ORAI2: variants seen among roughly 807,000 people sequenced by gnomAD.
ORAI2 encodes ORAI calcium release-activated calcium modulator 2, also known as protein orai-2.
A neutral mutation model predicts 16.2 loss-of-function variants in ORAI2; 10 were observed. The ratio of observed to expected loss-of-function variants is 0.62; its 90% CI spans 0.38 to 1.04. The LOEUF is 1.04. ORAI2 is among the 50% of genes least tolerant of loss of function. ORAI2 has a pLI of 0.01. For synonymous variants in ORAI2, 150 were observed against 157.5 expected (o/e 0.95, Z 0.35); for missense variants, 238 against 355.5 (o/e 0.67, Z 2.66).
rs1462454473 is a variant in ORAI2, at chr7:102,451,058, G to T, written c.*4006G>T. 6.6e-6 allele frequency: 1 copy of T among 151,768 alleles called. No homozygotes were observed. The highest frequency in any genetic ancestry group is 2.1e-4 in the South Asian group (1 of 4,818). The allele number at this position is 151,768 out of a possible 1,614,324, so 9.4% of individuals were successfully genotyped here. On this transcript the variant is annotated 3_prime_UTR_variant, in exon 4 of 4. Coordinates refer to ENST00000495936, the MANE Select transcript of ORAI2 (RefSeq NM_001126340.3). ...TCTACTAAAAATACAAAAATTAGCC[G>T]GGCGTAGTGACACACGCCTGTAATC...
At chr7:102,435,410 C>T (rs1443386126) in intron 1 of ORAI2, among the ~76,000 whole-genome samples, 3 of 152,102 alleles carry the variant, frequency 2.0e-5, no homozygotes, top group East Asian at 3.9e-4. Context: ...TGCAAAGGGC[C>T]GCTCTGTCCC....
Position 102,439,099 on chromosome 7 carries a change from T to C in ORAI2, c.143T>C (p.Leu48Pro). 3 of 1,614,048 alleles carry C rather than the reference T, an allele frequency of 1.9e-6. No homozygotes were observed. The highest frequency in any genetic ancestry group is 1.7e-6 in the Non-Finnish European group (2 of 1,180,036). Reference sequence around the variant, plus strand: ...TCTAACCACCACTCGGTACAGGCCCTGTCGTGGCGGAAGCTCTACCTGAGC... The same window carrying C: ...TCTAACCACCACTCGGTACAGGCCCCGTCGTGGCGGAAGCTCTACCTGAGC... Reference protein sequence around the residue: ...VTSNHHSVQALSWRKLYLSRA... With the variant: ...VTSNHHSVQAPSWRKLYLSRA... Residue 48 changes from leucine (L) to proline (P), a missense_variant, in exon 3 of 4, where the codon CTG becomes CCG. Transcript: ENST00000495936.
At position 102,446,524 on chromosome 7, in the gene ORAI2, G is replaced by T; in HGVS notation, c.237G>T (p.Val79=). ...LLSGFAMVAM[V]EVQLETQYQY... is the part of the protein sequence containing the mutation. ...TGCTGTCCCCGCAGGTGGCCATGGT[G>T]GAGGTGCAGCTGGAGACGCAGTACC... is the stretch of plus-strand genomic sequence containing the variant. Residue 79 remains valine (V), a synonymous_variant, in exon 4 of 4, where the codon GTG becomes GTT. Coordinates refer to ENST00000495936, the MANE Select transcript of ORAI2 (RefSeq NM_001126340.3). The T allele has an allele frequency of 6.2e-7, 1 of 1,608,266 alleles. No individual in the cohort carries two copies. The highest frequency in any genetic ancestry group is 8.5e-7 in the Non-Finnish European group (1 of 1,177,608).
rs886610312 is a variant in ORAI2, at chr7:102,452,534, C to G, written c.*5482C>G. On this transcript the variant is annotated 3_prime_UTR_variant, in exon 4 of 4. Coordinates refer to ENST00000495936, the MANE Select transcript of ORAI2 (RefSeq NM_001126340.3). ...CTCTCTGCAGGCTCCAGCTTCTGGG[C>G]GCAAGCAATCCTCCCACCTCAGTCT... is the stretch of plus-strand genomic sequence containing the variant. The G allele has an allele frequency of 6.6e-6, 1 of 151,916 alleles. No homozygotes were observed. The highest frequency in any genetic ancestry group is 2.4e-5 in the African/African-American group (1 of 41,338). 9.4% of individuals were successfully genotyped at this position (151,916 alleles called of 1,614,324 possible). A position where few individuals can be genotyped will look rare whatever the true frequency, so the allele number is the denominator to read the frequency against.
At chr7:102,436,682 AGAAGTTACTCTT>A (rs1401330281) in intron 2 of ORAI2, among the ~76,000 whole-genome samples, 1 of 152,088 alleles carries the variant, frequency 6.6e-6, no homozygotes, top group Non-Finnish European at 1.5e-5. Context: ...GCCTGGACAT[AGAAGTTACTCTT>A]TTCGTTTCTT....
At chr7:102,444,391 T>C (rs1285274346) in intron 3 of ORAI2, among the ~76,000 whole-genome samples, 1 of 151,922 alleles carries the variant, frequency 6.6e-6, no homozygotes, top group African/African-American at 2.4e-5. Context: ...TAGCTGGGAT[T>C]ACAGGCACGA....
At chr7:102,434,265 T>TCTG (rs1337642099) in intron 1 of ORAI2, among the ~76,000 whole-genome samples, 3 of 150,478 alleles carry the variant, frequency 2.0e-5, no homozygotes, top group Non-Finnish European at 4.4e-5. Context: ...AGGCCCAGAC[T>TCTG]CTGTCCCTCC....
chr7:102,440,816 G>C (rs1797177878), intron 3 of ORAI2, among the ~76,000 whole-genome samples: 1 of 152,054 alleles, frequency 6.6e-6, no homozygotes, highest in Non-Finnish European at 1.5e-5. Flanking sequence ...TCCCACCTCG[G>C]CCTCCCAAAG....
In ORAI2 at chr7:102,436,276, G is replaced by A. The variant is rs755995713; in HGVS notation, c.-71G>A. 30 of 984,980 alleles carry A rather than the reference G, an allele frequency of 3.0e-5. No individual in the cohort carries two copies. The highest frequency in any genetic ancestry group is 4.7e-5 in the South Asian group (1 of 21,286). The allele number at this position is 984,980 out of a possible 1,614,324, so 61.0% of individuals were successfully genotyped here. ...GCTTGGATGCGGTGCTGCTGGCTGCGGATGTGCGCAAGGAGATGGGATGGA... is the reference window on the plus strand; with the variant it reads ...GCTTGGATGCGGTGCTGCTGGCTGCAGATGTGCGCAAGGAGATGGGATGGA... On this transcript the variant is annotated 5_prime_UTR_variant, in exon 2 of 4. Coordinates refer to ENST00000495936, the MANE Select transcript of ORAI2 (RefSeq NM_001126340.3).
intron 3 of ORAI2, among the ~76,000 whole-genome samples, chr7:102,444,823 G>A (rs548275397): frequency 2.6e-5 from 4 of 151,448 alleles, no homozygotes; most frequent in African/African-American, 7.3e-5. Flanking sequence ...CCACCACCAC[G>A]TCCAGCTAAT....
At position 102,456,593 on chromosome 7, in the gene ORAI2, T is replaced by C. The variant is rs553470803; in HGVS notation, c.*9541T>C. 2 of 152,100 alleles carry C rather than the reference T, an allele frequency of 1.3e-5. No individual in the cohort carries two copies. The highest frequency in any genetic ancestry group is 2.9e-5 in the Non-Finnish European group (2 of 68,024). The allele number at this position is 152,100 out of a possible 1,614,324, so 9.4% of individuals were successfully genotyped here. A position where few individuals can be genotyped will look rare whatever the true frequency, so the allele number is the denominator to read the frequency against. On this transcript the variant is annotated 3_prime_UTR_variant, in exon 4 of 4. Coordinates refer to ENST00000495936, the MANE Select transcript of ORAI2 (RefSeq NM_001126340.3). Reference sequence around the variant, plus strand: ...CAGCGTTATGGGGCTGGAAGGAGGCTCTCAGATTTCCCTGCCCTCCTCACA... The same window carrying C: ...CAGCGTTATGGGGCTGGAAGGAGGCCCTCAGATTTCCCTGCCCTCCTCACA...
intron 1 of ORAI2, among the ~76,000 whole-genome samples, chr7:102,435,105 A>G (rs1332029169): frequency 2.0e-5 from 3 of 152,104 alleles, no homozygotes; most frequent in Non-Finnish European, 2.9e-5. Context: ...CCCTGTCTCT[A>G]CCAAAAATAC....
At chr7:102,443,128 CTTCT>C (rs1423839346) in intron 3 of ORAI2, among the ~76,000 whole-genome samples, 30 of 24,886 alleles carry the variant, frequency 1.2e-3, no homozygotes, top group African/African-American at 2.3e-3. Flanking sequence ...TCTTCTTCTT[CTTCT>C]TTTTTTTTTT....
In ORAI2 at chr7:102,446,651, G is replaced by T; in HGVS notation, c.364G>T (p.Val122Leu). 1 of 1,614,154 alleles carries T rather than the reference G, an allele frequency of 6.2e-7. No homozygotes were observed. Among genetic ancestry groups the T allele is most frequent in the Non-Finnish European group, 8.5e-7 (1 of 1,180,044 alleles). ...LLISTCILPN[V>L]EAVSNIHNLN... The stretch of plus-strand genomic sequence containing the variant: ...CATCAGCACCTGCATCCTGCCCAAT[G>T]TGGAGGCCGTGAGCAACATCCACAA... The change falls in exon 4 of 4, where the codon GTG becomes TTG. Residue 122 changes from valine (V) to leucine (L), a missense_variant. Transcript: ENST00000495936.
intron 3 of ORAI2, among the ~76,000 whole-genome samples, chr7:102,445,290 GT>G (rs1563637782): frequency 2.5e-5 from 3 of 119,644 alleles, no homozygotes; most frequent in Non-Finnish European, 5.1e-5. Context: ...GTCAGTTTCC[GT>G]TTTTTGTTTT....
At chr7:102,436,186 A>G (rs1410203529) in intron 1 of ORAI2, 39 bp from the exon 2 acceptor site, 15 of 358,316 alleles carry the variant, frequency 4.2e-5, no homozygotes, top group Non-Finnish European at 5.8e-5. Flanking sequence ...ATGTGGAGCT[A>G]ACCTACGGAT....
chr7:102,439,620 C>A (rs573821542), intron 3 of ORAI2, among the ~76,000 whole-genome samples: 1 of 151,578 alleles, frequency 6.6e-6, no homozygotes, highest in African/African-American at 2.4e-5. Flanking sequence ...AATAATTAGC[C>A]GGACGTGGTG....
At chr7:102,446,334 G>A (rs73712480) in intron 3 of ORAI2, among the ~76,000 whole-genome samples, 179 bp from the exon 4 acceptor site, 2,681 of 152,362 alleles carry the variant, frequency 0.018, 84 homozygotes, top group African/African-American at 0.061. Context: ...TGATCAGTGA[G>A]GAGGTTGCCC....
At position 102,451,801 on chromosome 7, in the gene ORAI2, A is replaced by G. The variant is rs1212752512; in HGVS notation, c.*4749A>G. On this transcript the variant is annotated 3_prime_UTR_variant, in exon 4 of 4. Transcript: ENST00000495936. Reference sequence around the variant, plus strand: ...GCTGCCCCGGCAAGGGGGCGTGGACATCTCTAGAATGGAGGCAGGGTACTC... The same window carrying G: ...GCTGCCCCGGCAAGGGGGCGTGGACGTCTCTAGAATGGAGGCAGGGTACTC... 1.3e-5 allele frequency: 2 copies of G among 152,212 alleles called. No individual in the cohort carries two copies. Among genetic ancestry groups the G allele is most frequent in the African/African-American group, 2.4e-5 (1 of 41,440 alleles). 9.4% of individuals were successfully genotyped at this position (152,212 alleles called of 1,614,324 possible).
Sources: gnomAD v4.1 joint callset for allele counts (sites outside exome capture counted in the v4.1 genomes callset) on GRCh38, gnomAD v4.1.1 for gene constraint, MANE v1.5 for transcripts, NCBI Gene and HGNC (gene_info 2026-07-23, HGNC 2026-07-21) for gene names.